The following ADGRB2 variants were observed in gnomAD, a reference collection of about 807,000 sequenced individuals.
The protein encoded by ADGRB2 is brain-specific angiogenesis inhibitor 2.
A neutral mutation model predicts 178.7 loss-of-function variants in ADGRB2; 47 were observed. The observed-to-expected ratio is 0.26, with a 90% CI of 0.21 to 0.34. The LOEUF (loss-of-function observed/expected upper bound fraction) is 0.34, where lower values mean the gene tolerates loss of function less well. ADGRB2 is among the 10% of genes least tolerant of loss of function. The pLI, the probability that ADGRB2 is intolerant of heterozygous loss-of-function variation, is 1.00. For missense variants in ADGRB2, 1,584 were observed against 2,180.8 expected (o/e 0.73, Z 5.45); for synonymous variants, 870 against 912.4 (o/e 0.95, Z 0.84).
Position 31,738,270 on chromosome 1 carries a change from G to A in ADGRB2, c.2702C>T (p.Ala901Val). 1 of 1,614,050 alleles carries A rather than the reference G, an allele frequency of 6.2e-7. No individual in the cohort carries two copies. Among genetic ancestry groups the A allele is most frequent in the Non-Finnish European group, 8.5e-7 (1 of 1,180,002 alleles). ...CTGGCACTGGCAGCGGGTGTGAGCT[G>A]CCTGGGTCTCCAGGGTCTGGCAATT... ...TENCQTLETQ[A>V]AHTRCQCQHL... The change falls in exon 18 of 33, where the codon GCA becomes GTA. Residue 901 changes from alanine (A) to valine (V), a missense_variant. By Grantham distance (64) the Ala-to-Val change is moderately conservative. This residue lies in a region of ADGRB2 where 865 missense variants were observed against 1,192.8 expected (regional missense o/e 0.73). Transcript: ENST00000373658.
Position 31,728,066 on chromosome 1 carries a change from T to C in ADGRB2, c.4531A>G (p.Ser1511Gly). 2 of 1,601,278 alleles carry C rather than the reference T, an allele frequency of 1.2e-6. No individual in the cohort carries two copies. Among genetic ancestry groups the C allele is most frequent in the Admixed American group, 1.7e-5 (1 of 58,550 alleles). Residue 1511 changes from serine (S) to glycine (G), a missense_variant, in exon 32 of 33, where the codon AGT (serine) becomes GGT (glycine). Physicochemically the swap from Ser to Gly is moderately conservative, Grantham distance 56. This residue lies in a region of ADGRB2 where 865 missense variants were observed against 1,192.8 expected (regional missense o/e 0.73). Transcript: ENST00000373658. This position sits in a 1 kb window ranked among gnomAD's most constrained non-coding sequence, Gnocchi z 6.7. Reference sequence around the variant, plus strand: ...TCGGCTGCCCCACCCGAGGACACACTCCACCGCTTCTCCCTCTGCAACGGG... The same window carrying C: ...TCGGCTGCCCCACCCGAGGACACACCCCACCGCTTCTCCCTCTGCAACGGG... ...QSTAKREKRW[S>G]VSSGGAAERS... is the part of the protein sequence containing the mutation.
At chr1:31,736,007 G>T in intron 22 of ADGRB2, 114 bp from the exon 23 acceptor site, 1 of 1,156,214 alleles carries the variant, frequency 8.6e-7, no homozygotes, top group Non-Finnish European at 1.2e-6. Flanking sequence ...TGCAGTCTGA[G>T]CCCCAGACGG....
intron 18 of ADGRB2, 66 bp downstream of exon 18, chr1:31,738,134 A>T: frequency 2.5e-6 from 4 of 1,590,442 alleles, no homozygotes; most frequent in Non-Finnish European, 3.4e-6. Context: ...CAACACCATC[A>T]CTGATGGCTG....
rs951589568 is a variant in ADGRB2 at position 31,758,724 on chromosome 1, C to T, written c.-190-1213G>A. 6.3e-6 allele frequency: 1 copy of T among 158,688 alleles called. No individual in the cohort carries two copies. The highest frequency in any genetic ancestry group is 1.4e-5 in the Non-Finnish European group (1 of 70,344). 9.8% of individuals were successfully genotyped at this position (158,688 alleles called of 1,614,324 possible). A position where few individuals can be genotyped will look rare whatever the true frequency, so the allele number is the denominator to read the frequency against. On this transcript the variant is annotated intron_variant, in intron 1 of 32. Coordinates refer to ENST00000373658, the MANE Select transcript of ADGRB2 (RefSeq NM_001364857.2). The surrounding 1 kb of genome is among the most constrained non-coding windows in gnomAD (Gnocchi z 4.2). Reference sequence around the variant, plus strand: ...ACTCACTGCAGAGGAGCCACCCCACCCTCCTCCCAAGACCCACATGGAGTT... The same window carrying T: ...ACTCACTGCAGAGGAGCCACCCCACTCTCCTCCCAAGACCCACATGGAGTT...
In ADGRB2 at chr1:31,759,383, G is replaced by C. The variant is rs750450770; in HGVS notation, c.-190-1872C>G. On this transcript the variant is annotated intron_variant, in intron 1 of 32. Transcript: ENST00000373658. The surrounding 1 kb of genome is among the most constrained non-coding windows in gnomAD (Gnocchi z 4.3). The stretch of plus-strand genomic sequence containing the variant: ...CTAAGTGTCAGGCAGGATCCTCTGC[G>C]GGGTCTTCCTTTGCATGTCTGAAGC... 3 of 779,618 alleles carry C rather than the reference G, an allele frequency of 3.8e-6. No individual in the cohort carries two copies. Among genetic ancestry groups the C allele is most frequent in the Non-Finnish European group, 7.2e-6 (3 of 417,900 alleles). 48.3% of individuals were successfully genotyped at this position (779,618 alleles called of 1,614,324 possible).
In ADGRB2 at chr1:31,763,980, C is replaced by T; in HGVS notation, c.-287G>A. 1 of 982,422 alleles carries T rather than the reference C, an allele frequency of 1.0e-6. No individual in the cohort carries two copies. Among genetic ancestry groups the T allele is most frequent in the Non-Finnish European group, 1.2e-6 (1 of 829,244 alleles). The allele number at this position is 982,422 out of a possible 1,614,324, so 60.9% of individuals were successfully genotyped here. A position where few individuals can be genotyped will look rare whatever the true frequency, so the allele number is the denominator to read the frequency against. On this transcript the variant is annotated 5_prime_UTR_variant, in exon 1 of 33. Coordinates refer to ENST00000373658, the MANE Select transcript of ADGRB2 (RefSeq NM_001364857.2). ...CCTAAGTCGGGGACCGGGCCGGGCG[C>T]AGGGTAGGTAGCTGCAGCCGCGCGG...
At position 31,764,061 on chromosome 1, in the gene ADGRB2, A is replaced by G. The variant is rs1647130416; in HGVS notation, c.-368T>C. ...GGGTGCAGAAAAGGCGCCGCGGAGC[A>G]GCGCGGGGCGGGCGGGCGGGCGGCG... On this transcript the variant is annotated 5_prime_UTR_variant, in exon 1 of 33. Coordinates refer to ENST00000373658, the MANE Select transcript of ADGRB2 (RefSeq NM_001364857.2). The surrounding 1 kb of genome is among the most constrained non-coding windows in gnomAD (Gnocchi z 7.3). 1 of 170,998 alleles carries G rather than the reference A, an allele frequency of 5.8e-6. No individual in the cohort carries two copies. Among genetic ancestry groups the G allele is most frequent in the Non-Finnish European group, 9.3e-6 (1 of 107,078 alleles). 10.6% of individuals were successfully genotyped at this position (170,998 alleles called of 1,614,324 possible).
At position 31,756,315 on chromosome 1, in the gene ADGRB2, C is replaced by T. The variant is rs138678315; in HGVS notation, c.522G>A (p.Ala174=). 4.7e-4 allele frequency: 752 copies of T among 1,612,914 alleles called. 2 individuals are homozygous for T. The highest frequency in any genetic ancestry group is 2.1e-4 in the Non-Finnish European group (247 of 1,179,904). Residue 174 remains alanine, a synonymous_variant, in exon 4 of 33, where the codon GCG becomes GCA. Coordinates refer to ENST00000373658, the MANE Select transcript of ADGRB2 (RefSeq NM_001364857.2). The surrounding 1 kb of genome is among the most constrained non-coding windows in gnomAD (Gnocchi z 8.5). ...AEPSEAPRLL[A]PAALAFRFVE... ...CAAAGCGGAAGGCTAGGGCAGCGGG[C>T]GCCAGCAGGCGCGGGGCCTCGGAGG...
chr1:31,753,429 C>A lies in ADGRB2; in HGVS notation c.838+2570G>T, dbSNP rs890593345. 1.3e-5 allele frequency among the ~76,000 whole-genome samples: 2 copies of A among 152,216 alleles called. No individual in the cohort carries two copies. The highest frequency in any genetic ancestry group is 2.9e-5 in the Non-Finnish European group (2 of 68,032). On this transcript the variant is annotated intron_variant, in intron 4 of 32. Transcript: ENST00000373658. This position sits in a 1 kb window ranked among gnomAD's most constrained non-coding sequence, Gnocchi z 4.1. Reference sequence around the variant, plus strand: ...CACTCCGCCAGTCACTGCCCACCAGCCCCCAGCCCAGTGCTCTTCCGGTAC... The same window carrying A: ...CACTCCGCCAGTCACTGCCCACCAGACCCCAGCCCAGTGCTCTTCCGGTAC...
rs190986583 is a variant in ADGRB2, at chr1:31,757,805, G to T, written c.-190-294C>A. ...CCAAGGCTAGTTCATTCAGCTTATG[G>T]GTCTTCCAGTTCCTAAGAGTGGGGA... On this transcript the variant is annotated intron_variant, in intron 1 of 32. Transcript: ENST00000373658. 9.2e-5 allele frequency among the ~76,000 whole-genome samples: 14 copies of T among 152,234 alleles called. No homozygotes were observed. The East Asian group carries it at 2.7e-3, about 29-fold the overall frequency.
rs768548875 is a variant in ADGRB2, at chr1:31,742,163, G to A, written c.1307C>T (p.Ala436Val). 10 of 1,613,326 alleles carry A rather than the reference G, an allele frequency of 6.2e-6. No individual in the cohort carries two copies. Among genetic ancestry groups the A allele is most frequent in the Non-Finnish European group, 8.5e-6 (10 of 1,179,866 alleles). Residue 436 changes from alanine (A) to valine (V), a missense_variant, in exon 8 of 33, where the codon GCC becomes GTC. Physicochemically the swap from Ala to Val is moderately conservative, Grantham distance 64. Coordinates refer to ENST00000373658, the MANE Select transcript of ADGRB2 (RefSeq NM_001364857.2). ...CCGGCTGCGCTGTTGGGTCCCATTGGCACAGGACGTGGAGCATGGGCCCCA... is the reference window on the plus strand; with the variant it reads ...CCGGCTGCGCTGTTGGGTCCCATTGACACAGGACGTGGAGCATGGGCCCCA... ...GPWGPCSTSC[A>V]NGTQQRSRKC...
rs747021792 is a variant in ADGRB2, at chr1:31,739,382, G to A, written c.2421C>T (p.Asp807=). ...TCACAAAGTAGGAGGACTCATCAGG[G>A]TCTGCTGGGAGGAGGCGCTGGTGGG... ...GHSHQRLLPA[D]PDESSYFVIG... The change falls in exon 15 of 33, where the codon GAC becomes GAT. Residue 807 remains aspartate (D), a synonymous_variant. Coordinates refer to ENST00000373658, the MANE Select transcript of ADGRB2 (RefSeq NM_001364857.2). The A allele has an allele frequency of 1.3e-6, 2 of 1,533,406 alleles. No individual in the cohort carries two copies. The highest frequency in any genetic ancestry group is 2.7e-5 in the African/African-American group (2 of 73,018). The allele number at this position is 1,533,406 out of a possible 1,614,324, so 95.0% of individuals were successfully genotyped here.
Position 31,733,125 on chromosome 1 carries a change from G to A in ADGRB2, c.3471C>T (p.Ser1157=). ...ARNAMASLWS[S]CVVLPLLALT... ...GCGCCAGCAGGGGCAGCACCACGCA[G>A]GAGCTCCAGAGTGAGGCCCTGAGGG... Residue 1157 remains serine, a synonymous_variant, in exon 26 of 33, where the codon TCC becomes TCT. Transcript: ENST00000373658. This position sits in a 1 kb window ranked among gnomAD's most constrained non-coding sequence, Gnocchi z 4.3. 1.3e-6 allele frequency: 2 copies of A among 1,585,366 alleles called. No individual in the cohort carries two copies. Among genetic ancestry groups the A allele is most frequent in the South Asian group, 1.1e-5 (1 of 87,118 alleles).
At position 31,735,337 on chromosome 1, in the gene ADGRB2, A is replaced by AT; in HGVS notation, c.3354-57dup. ...GGGGAAACACATGGGAAGCCGGGAG[A>AT]TGGGGCAGAATGAGCCCCGAGTGGG... On this transcript the variant is annotated intron_variant, in intron 24 of 32. Coordinates refer to ENST00000373658, the MANE Select transcript of ADGRB2 (RefSeq NM_001364857.2). The surrounding 1 kb of genome is among the most constrained non-coding windows in gnomAD (Gnocchi z 6.0). The AT allele has an allele frequency of 2.9e-6, 2 of 686,432 alleles. No homozygotes were observed. The highest frequency in any genetic ancestry group is 4.5e-6 in the Non-Finnish European group (2 of 442,138). 42.5% of individuals were successfully genotyped at this position (686,432 alleles called of 1,614,324 possible).
chr1:31,744,275 G>C lies in ADGRB2; in HGVS notation c.1005C>G (p.Ser335=). 1 of 1,551,368 alleles carries C rather than the reference G, an allele frequency of 6.4e-7. No homozygotes were observed. Among genetic ancestry groups the C allele is most frequent in the South Asian group, 1.2e-5 (1 of 84,054 alleles). The part of the protein sequence containing the change: ...CGQGLQVRTR[S]CVSSPYGTLC... ...GGGTCCCATAGGGGGAGGACACACA[G>C]GAGCGGGTCCGCACCTGCAGACCCT... The change falls in exon 6 of 33, where the codon TCC becomes TCG. Residue 335 remains serine, a synonymous_variant. Transcript: ENST00000373658. This position sits in a 1 kb window ranked among gnomAD's most constrained non-coding sequence, Gnocchi z 6.7.
chr1:31,752,316 T>C (rs1025354941), intron 4 of ADGRB2, among the ~76,000 whole-genome samples: 3 of 152,008 alleles, frequency 2.0e-5, no homozygotes, highest in Non-Finnish European at 2.9e-5. Flanking sequence ...CACCCTATGG[T>C]AGAGCACACA....
Position 31,755,905 on chromosome 1 carries a change from G to T in ADGRB2, c.838+94C>A. 1 of 1,493,620 alleles carries T rather than the reference G, an allele frequency of 6.7e-7. No homozygotes were observed. Among genetic ancestry groups the T allele is most frequent in the Non-Finnish European group, 9.0e-7 (1 of 1,106,796 alleles). 92.5% of individuals were successfully genotyped at this position (1,493,620 alleles called of 1,614,324 possible). On this transcript the variant is annotated intron_variant, in intron 4 of 32. Transcript: ENST00000373658. The surrounding 1 kb of genome is among the most constrained non-coding windows in gnomAD (Gnocchi z 5.1). ...AGCAGAGGGGTGACATCAGTGAACA[G>T]CTACATGCATGGCCGAGGATCTGCC...
chr1:31,757,326 T>A (rs1317029328), intron 2 of ADGRB2, 45 bp from the exon 3 acceptor site: 16 of 1,440,820 alleles, frequency 1.1e-5, no homozygotes, highest in Non-Finnish European at 1.6e-5. Context: ...TGATTTGCTT[T>A]TTTATAAATT....
chr1:31,742,606 GT>G (rs1190766765), intron 7 of ADGRB2, among the ~76,000 whole-genome samples: 2 of 152,226 alleles, frequency 1.3e-5, no homozygotes, highest in Non-Finnish European at 2.9e-5. Context: ...AGAAAGAGCT[GT>G]CCCCTCTTGA....
Sources: allele counts gnomAD v4.1 joint callset (sites outside exome capture counted in the v4.1 genomes callset), GRCh38; gene constraint gnomAD v4.1.1; regional missense constraint gnomAD v4.1.1; non-coding constraint Gnocchi (gnomAD v3.1); transcripts MANE v1.5; gene names NCBI Gene and HGNC (gene_info 2026-07-23, HGNC 2026-07-21).